Variants in TTI1 observed in about 807,000 individuals in gnomAD.
The protein encoded by TTI1 is TELO2 interacting protein 1.
A neutral mutation model predicts 85.4 loss-of-function variants in TTI1; 52 were observed. That is an observed-to-expected ratio of 0.61 (90% CI 0.49 to 0.77). TTI1 has a LOEUF of 0.77. Ranked by LOEUF, TTI1 falls within the 30% of genes least tolerant of loss-of-function variation. The probability of loss-of-function intolerance (pLI) is 0.00; values close to 1 mark genes in which losing one functional copy is unlikely to be tolerated. For missense variants in TTI1, 1,173 were observed against 1,296.0 expected, an observed-to-expected ratio of 0.91 and a Z score of 1.46; for synonymous variants, 512 against 503.9, an observed-to-expected ratio of 1.02 and a Z score of -0.22.
intron 3 of TTI1, among the ~76,000 whole-genome samples, chr20:38,004,279 CT>C (rs1193891563): frequency 6.6e-6 from 1 of 152,106 alleles, no homozygotes; most frequent in Non-Finnish European, 1.5e-5. Flanking sequence ...AAAAATTTTC[CT>C]GATCTACTTA....
chr20:37,990,927 G>A (rs1257772637), intron 7 of TTI1, among the ~76,000 whole-genome samples: 2 of 152,168 alleles, frequency 1.3e-5, no homozygotes, highest in Non-Finnish European at 2.9e-5. Context: ...GGACAGAATT[G>A]GCAGCACTGA....
intron 3 of TTI1, 143 bp downstream of exon 3, chr20:38,006,054 A>G (rs2122554492): frequency 1.1e-6 from 1 of 945,276 alleles, no homozygotes; most frequent in South Asian, 1.7e-5. Flanking sequence ...AAGATTACAC[A>G]AAACAGGAGA....
chr20:38,022,344 A>G (rs2122635919), intron 1 of TTI1, among the ~76,000 whole-genome samples: 1 of 152,298 alleles, frequency 6.6e-6, no homozygotes, highest in South Asian at 2.1e-4. Context: ...CCTTGCCTTT[A>G]AAATTTTCTT....
rs752005557 is a variant in TTI1, at chr20:38,011,923, C to G, written c.1894G>C (p.Glu632Gln). 10 of 1,614,126 alleles carry G rather than the reference C, an allele frequency of 6.2e-6. No homozygotes were observed. The Admixed American group carries it at 1.7e-4, about 27-fold the overall frequency. ...GCATATGCAAACTGGCCAATTCCTTCCAACTGAATGCATATTTGCCAGATG... is the reference window on the plus strand; with the variant it reads ...GCATATGCAAACTGGCCAATTCCTTGCAACTGAATGCATATTTGCCAGATG... Reference protein sequence around the residue: ...SNIWQICIQLEGIGQFAYALG... With the variant: ...SNIWQICIQLQGIGQFAYALG... The change falls in exon 2 of 8, where the codon GAA (glutamate) becomes CAA (glutamine). Residue 632 changes from glutamate to glutamine, a missense_variant. Transcript: ENST00000373447.
chr20:38,002,913 A>C lies in TTI1; in HGVS notation c.2504-137T>G, dbSNP rs1224932468. 4.2e-6 allele frequency: 5 copies of C among 1,176,900 alleles called. No individual in the cohort carries two copies. In the East Asian group the frequency reaches 9.7e-5, roughly 23 times the overall value. 72.9% of individuals were successfully genotyped at this position (1,176,900 alleles called of 1,614,324 possible). A position where few individuals can be genotyped will look rare whatever the true frequency, so the allele number is the denominator to read the frequency against. ...AAATGGACTGAGACACCTCCACTCA[A>C]GGGGGAATAGGTACAGAAACCATGA... On this transcript the variant is annotated intron_variant, in intron 3 of 7. Coordinates refer to ENST00000373447, the MANE Select transcript of TTI1 (RefSeq NM_001303457.2).
intron 1 of TTI1, among the ~76,000 whole-genome samples, chr20:38,020,323 A>AAAAAAAAATATATATATAT: frequency 6.0e-5 from 3 of 50,384 alleles, no homozygotes; most frequent in African/African-American, 2.7e-4. Flanking sequence ...AAAAAAAAAA[A>AAAAAAAAATATATATATAT]ATATATATAT....
intron 1 of TTI1, among the ~76,000 whole-genome samples, chr20:38,031,861 A>G (rs1312617500): frequency 6.6e-6 from 1 of 152,240 alleles, no homozygotes; most frequent in African/African-American, 2.4e-5. Context: ...AGTGATTGTA[A>G]TAATTTCAAC....
chr20:37,992,589 T>C (rs1280959230), intron 7 of TTI1, among the ~76,000 whole-genome samples: 2 of 152,190 alleles, frequency 1.3e-5, no homozygotes, highest in Non-Finnish European at 2.9e-5. Flanking sequence ...ACTTCATCTT[T>C]TCAAAAATTT....
chr20:38,002,625 G>A lies in TTI1; in HGVS notation c.2652+3C>T, dbSNP rs766675194. On this transcript the variant is annotated splice_donor_region_variant and intron_variant, in intron 4 of 7. Transcript: ENST00000373447. ...GAATGCAGAGAAGCAGCTGCGCACTGACCTTCAGGCGGATTTGCAGATTTT... is the reference window on the plus strand; with the variant it reads ...GAATGCAGAGAAGCAGCTGCGCACTAACCTTCAGGCGGATTTGCAGATTTT... 2 of 1,614,034 alleles carry A rather than the reference G, an allele frequency of 1.2e-6. No homozygotes were observed. The highest frequency in any genetic ancestry group is 1.7e-4 in the Middle Eastern group (1 of 6,060).
At chr20:37,992,179 C>A (rs1224195386) in intron 7 of TTI1, among the ~76,000 whole-genome samples, 3 of 152,190 alleles carry the variant, frequency 2.0e-5, no homozygotes, top group African/African-American at 7.2e-5. Flanking sequence ...CCTATCTGGG[C>A]TCTGGGGTTA....
chr20:38,029,567 CAAGAGA>C (rs1568634321), intron 1 of TTI1, among the ~76,000 whole-genome samples: 1 of 131,280 alleles, frequency 7.6e-6, no homozygotes, highest in Admixed American at 7.2e-5. Context: ...AGTGAGTGAG[CAAGAGA>C]GAGAGAGAGA....
intron 1 of TTI1, among the ~76,000 whole-genome samples, chr20:38,017,674 G>A (rs1305213303): frequency 6.6e-6 from 1 of 152,198 alleles, no homozygotes; most frequent in Admixed American, 6.5e-5. Flanking sequence ...CAAAGCTGGG[G>A]TAACAAAGCT....
intron 1 of TTI1, among the ~76,000 whole-genome samples, chr20:38,031,574 G>A (rs2073906677): frequency 6.6e-6 from 1 of 152,164 alleles, no homozygotes; most frequent in African/African-American, 2.4e-5. Flanking sequence ...ACCACTTTCT[G>A]ACTTATTCTA....
At chr20:38,004,173 G>A (rs1445070723) in intron 3 of TTI1, among the ~76,000 whole-genome samples, 2 of 152,198 alleles carry the variant, frequency 1.3e-5, no homozygotes, top group Non-Finnish European at 1.5e-5. Flanking sequence ...ACTGTCTAGA[G>A]TGCTGCGTTG....
chr20:37,996,814 AGC>A lies in TTI1; in HGVS notation c.2931_2932del (p.Leu978GlyfsTer17), dbSNP rs2073347792. 1 of 1,613,932 alleles carries A rather than the reference AGC, an allele frequency of 6.2e-7. No individual in the cohort carries two copies. The highest frequency in any genetic ancestry group is 1.3e-5 in the African/African-American group (1 of 74,922). On this transcript the variant is annotated frameshift_variant, in exon 6 of 8. Coordinates refer to ENST00000373447, the MANE Select transcript of TTI1 (RefSeq NM_001303457.2). LOFTEE classifies it high-confidence loss of function. Reference sequence around the variant, plus strand: ...GACAGCCAGCTGCAACTTGAAGGCCAGCGTGTGCGAGTAAACTGGTCCAGCCC... The same window carrying A: ...GACAGCCAGCTGCAACTTGAAGGCCAGTGTGCGAGTAAACTGGTCCAGCCC...
chr20:38,006,990 CTT>C (rs1045809219), intron 2 of TTI1, among the ~76,000 whole-genome samples: 1 of 152,174 alleles, frequency 6.6e-6, no homozygotes, highest in African/African-American at 2.4e-5. Context: ...CACAAAGACT[CTT>C]AGGAGAGCAA....
Position 38,012,330 on chromosome 20 carries a change from C to G in TTI1, c.1487G>C (p.Gly496Ala). The G allele has an allele frequency of 1.2e-6, 2 of 1,614,168 alleles. No homozygotes were observed. Among genetic ancestry groups the G allele is most frequent in the Non-Finnish European group, 1.7e-6 (2 of 1,180,046 alleles). The change falls in exon 2 of 8, where the codon GGT becomes GCT. Residue 496 changes from glycine to alanine, a missense_variant. Transcript: ENST00000373447. ...AAGCAAATAAAGATTCCCATAATAA[C>G]CAAGTAGCTGACAAACCTGCCTCAA... ...MLLRQVCQLL[G>A]YYGNLYLLVD...
intron 1 of TTI1, among the ~76,000 whole-genome samples, chr20:38,026,321 G>T (rs1024663100): frequency 6.6e-6 from 1 of 152,030 alleles, no homozygotes; most frequent in Non-Finnish European, 1.5e-5. Context: ...CAGCACTCCC[G>T]GCTAATTTTT....
chr20:38,013,895 C>G (rs756441657), intron 1 of TTI1, 38 bp from the exon 2 acceptor site: 1 of 1,522,628 alleles, frequency 6.6e-7, no homozygotes, highest in Middle Eastern at 2.1e-4. Flanking sequence ...ATGTCAAGTT[C>G]AAAGCAAGTA....
Sources: gnomAD v4.1 joint callset for allele counts (sites outside exome capture counted in the v4.1 genomes callset) on GRCh38, gnomAD v4.1.1 for gene constraint, MANE v1.5 for transcripts, NCBI Gene and HGNC (gene_info 2026-07-23, HGNC 2026-07-21) for gene names.